Variants in CHN1 observed in about 807,000 individuals in gnomAD.
CHN1 encodes the protein chimerin 1.
In CHN1, 37 loss-of-function variants were observed where a neutral mutation model predicts 59.5. That is an observed-to-expected ratio of 0.62 (90% CI 0.48 to 0.82). CHN1 has a LOEUF of 0.82. Ranked by LOEUF, CHN1 falls within the 40% of genes least tolerant of loss-of-function variation. The pLI is 0.00. For synonymous variants in CHN1, 206 were observed against 200.4 expected (o/e 1.03, Z -0.24); for missense variants, 469 against 571.0 (o/e 0.82, Z 1.82).
intron 5 of CHN1, among the ~76,000 whole-genome samples, chr2:174,887,420 C>T (rs1207261603): frequency 6.6e-6 from 1 of 152,066 alleles, no homozygotes; most frequent in African/African-American, 2.4e-5. Context: ...CTATCTAATA[C>T]TTTTTGAGTG....
At position 175,005,353 on chromosome 2, in the gene CHN1, A is replaced by C; in HGVS notation, c.-441T>G. 1.8e-6 allele frequency: 2 copies of C among 1,138,736 alleles called. No individual in the cohort carries two copies. The allele number at this position is 1,138,736 out of a possible 1,614,324, so 70.5% of individuals were successfully genotyped here. A position where few individuals can be genotyped will look rare whatever the true frequency, so the allele number is the denominator to read the frequency against. On this transcript the variant is annotated 5_prime_UTR_variant, in exon 1 of 13. Transcript: ENST00000409900. ...CTCACTCCGCATCCCGCGGCCTCGC[A>C]GACGCCATCTTGCGATAGCGTCTCC...
chr2:174,965,455 T>A (rs1280185601), intron 1 of CHN1, among the ~76,000 whole-genome samples: 2 of 152,150 alleles, frequency 1.3e-5, no homozygotes, highest in African/African-American at 4.8e-5. Flanking sequence ...AGCTGTTTAT[T>A]TTTTTAGGGC....
chr2:175,004,924 T>TCGCCGCCGCC lies in CHN1; in HGVS notation c.-22_-13dup. 1 of 1,532,760 alleles carries TCGCCGCCGCC rather than the reference T, an allele frequency of 6.5e-7. No individual in the cohort carries two copies. Among genetic ancestry groups the TCGCCGCCGCC allele is most frequent in the Non-Finnish European group, 8.7e-7 (1 of 1,143,904 alleles). The allele number at this position is 1,532,760 out of a possible 1,614,324, so 94.9% of individuals were successfully genotyped here. A position where few individuals can be genotyped will look rare whatever the true frequency, so the allele number is the denominator to read the frequency against. ...AGGGTCAGGGCCATTGTAAAGGCGC[T>TCGCCGCCGCC]CGCCGCCGCCCGCGAGTCCAGGCGC... On this transcript the variant is annotated 5_prime_UTR_variant, in exon 1 of 13. Transcript: ENST00000409900.
intron 1 of CHN1, among the ~76,000 whole-genome samples, chr2:174,996,226 G>A (rs1435158094): frequency 6.6e-6 from 1 of 152,132 alleles, no homozygotes; most frequent in Non-Finnish European, 1.5e-5. Flanking sequence ...GTGTCATAGT[G>A]GCCAGCACTA....
chr2:174,907,101 G>C (rs1275048662), intron 5 of CHN1, among the ~76,000 whole-genome samples: 2 of 152,182 alleles, frequency 1.3e-5, no homozygotes, highest in Admixed American at 1.3e-4. Context: ...TCTGTAGACA[G>C]ACAACACGGG....
chr2:174,832,143 G>A (rs985382653), intron 7 of CHN1, among the ~76,000 whole-genome samples: 6 of 152,006 alleles, frequency 3.9e-5, no homozygotes, highest in Admixed American at 3.3e-4. Flanking sequence ...ATCTGAAGAA[G>A]TACTGTTAAC....
At chr2:174,831,067 T>G (rs1339613707) in intron 7 of CHN1, among the ~76,000 whole-genome samples, 22 of 152,194 alleles carry the variant, frequency 1.4e-4, no homozygotes, top group Non-Finnish European at 2.2e-4. Context: ...ATGATCATAC[T>G]ATAACAATAT....
chr2:174,830,581 T>G (rs1392042918), intron 7 of CHN1, among the ~76,000 whole-genome samples: 3 of 152,210 alleles, frequency 2.0e-5, no homozygotes, highest in East Asian at 3.9e-4. Context: ...ATTCCTAGTC[T>G]TCTTGTCCTG....
At position 174,847,513 on chromosome 2, in the gene CHN1, A is replaced by G. The variant is rs946357655; in HGVS notation, c.550-556T>C. On this transcript the variant is annotated intron_variant, in intron 6 of 12. Coordinates refer to ENST00000409900, the MANE Select transcript of CHN1 (RefSeq NM_001822.7). ...AAAAGCTTTCTTCTCTATTCAAGAT[A>G]TTAATGTCCATTCTGAATGAAAGAT... 3.3e-6 allele frequency: 4 copies of G among 1,217,330 alleles called. No homozygotes were observed. The Admixed American group carries it at 1.5e-4, about 44-fold the overall frequency. 75.4% of individuals were successfully genotyped at this position (1,217,330 alleles called of 1,614,324 possible). A position where few individuals can be genotyped will look rare whatever the true frequency, so the allele number is the denominator to read the frequency against.
At chr2:174,860,555 TTGAG>T (rs1483299307) in intron 6 of CHN1, among the ~76,000 whole-genome samples, 4 of 152,174 alleles carry the variant, frequency 2.6e-5, no homozygotes, top group Non-Finnish European at 5.9e-5. Context: ...ATACATTTTA[TTGAG>T]TATCTATTAT....
chr2:174,812,291 G>T lies in CHN1; in HGVS notation c.886+18C>A. 6.3e-7 allele frequency: 1 copy of T among 1,596,298 alleles called. No individual in the cohort carries two copies. Among genetic ancestry groups the T allele is most frequent in the East Asian group, 2.2e-5 (1 of 44,598 alleles). ...TAGTGAACGGAGACCACTGCAACCC[G>T]CACTGCAAATGGCTCACCTCTAGAC... On this transcript the variant is annotated intron_variant, in intron 9 of 12. Coordinates refer to ENST00000409900, the MANE Select transcript of CHN1 (RefSeq NM_001822.7).
intron 1 of CHN1, among the ~76,000 whole-genome samples, chr2:174,977,810 C>T (rs1404159793): frequency 6.6e-6 from 1 of 152,000 alleles, no homozygotes; most frequent in Non-Finnish European, 1.5e-5. Context: ...TTTGGCTGCT[C>T]CAATGGTAGT....
chr2:174,876,895 T>C (rs1440886493), intron 6 of CHN1, among the ~76,000 whole-genome samples: 1 of 152,178 alleles, frequency 6.6e-6, no homozygotes, highest in Non-Finnish European at 1.5e-5. Flanking sequence ...ATTTTACAAA[T>C]AAGACAATCA....
At chr2:174,936,284 G>C (rs1431541287) in intron 3 of CHN1, among the ~76,000 whole-genome samples, 8 of 152,158 alleles carry the variant, frequency 5.3e-5, no homozygotes, top group Non-Finnish European at 4.4e-5. Context: ...ATTTCCCACT[G>C]TGTGGATAGC....
intron 5 of CHN1, among the ~76,000 whole-genome samples, chr2:174,903,409 T>TA (rs1688450261): frequency 6.6e-6 from 1 of 152,212 alleles, no homozygotes; most frequent in East Asian, 1.9e-4. Context: ...CTTAATGATT[T>TA]TCATTTAAAA....
intron 1 of CHN1, among the ~76,000 whole-genome samples, chr2:175,003,584 G>A (rs930644802): frequency 3.3e-5 from 5 of 152,208 alleles, no homozygotes; most frequent in South Asian, 2.1e-4. Flanking sequence ...CACATTTAAG[G>A]AAAATGCTGC....
chr2:174,842,913 C>T (rs1444584832), intron 7 of CHN1, among the ~76,000 whole-genome samples: 1 of 152,204 alleles, frequency 6.6e-6, no homozygotes, highest in Admixed American at 6.5e-5. Flanking sequence ...TTATATCTTT[C>T]ATTTACATGC....
intron 5 of CHN1, among the ~76,000 whole-genome samples, chr2:174,908,167 AG>A (rs1407403290): frequency 6.6e-6 from 1 of 152,202 alleles, no homozygotes; most frequent in Non-Finnish European, 1.5e-5. Context: ...AAAATGAGTC[AG>A]ATTAACAGAA....
At chr2:174,848,193 T>C (rs1686603675) in intron 6 of CHN1, among the ~76,000 whole-genome samples, 1 of 152,154 alleles carries the variant, frequency 6.6e-6, no homozygotes, top group Non-Finnish European at 1.5e-5. Context: ...GAAGAAACCA[T>C]TATTTTAATT....
Sources: allele counts gnomAD v4.1 joint callset (sites outside exome capture counted in the v4.1 genomes callset), GRCh38; gene constraint gnomAD v4.1.1; transcripts MANE v1.5; gene names NCBI Gene and HGNC (gene_info 2026-07-23, HGNC 2026-07-21).